The following ITGA9 variants were observed in gnomAD, a reference collection of about 807,000 sequenced individuals.
The protein encoded by ITGA9 is integrin alpha-9.
Under a neutral mutation model 127.8 loss-of-function variants are expected in ITGA9, and 56 were observed. The ratio of observed to expected loss-of-function variants is 0.44; its 90% CI spans 0.35 to 0.55. The LOEUF is 0.55. Ranked by LOEUF, ITGA9 falls within the 20% of genes least tolerant of loss-of-function variation. The pLI is 0.00. For missense variants in ITGA9, 1,196 were observed against 1,347.1 expected (o/e 0.89, Z 1.76); for synonymous variants, 508 against 514.5 (o/e 0.99, Z 0.17).
intron 18 of ITGA9, among the ~76,000 whole-genome samples, chr3:37,688,686 C>T (rs1700802740): frequency 6.6e-6 from 1 of 152,150 alleles, no homozygotes; most frequent in South Asian, 2.1e-4. Flanking sequence ...TGCCTTTACC[C>T]AGGAATCACC....
At chr3:37,513,924 G>A in intron 9 of ITGA9, 24 bp downstream of exon 9, 1 of 1,612,418 alleles carries the variant, frequency 6.2e-7, no homozygotes, top group Non-Finnish European at 8.5e-7. Context: ...TGGGCAATGT[G>A]CGGATGGGTG....
At chr3:37,621,484 T>G (rs1700128347) in intron 15 of ITGA9, among the ~76,000 whole-genome samples, 1 of 152,220 alleles carries the variant, frequency 6.6e-6, no homozygotes, top group South Asian at 2.1e-4. Context: ...GACAAGAGCA[T>G]GTTCAGTATT....
intron 15 of ITGA9, among the ~76,000 whole-genome samples, chr3:37,571,315 A>C (rs138530983): frequency 2.6e-5 from 4 of 151,046 alleles, no homozygotes; most frequent in Admixed American, 6.6e-5. Context: ...CATGCTGCCC[A>C]TGGTTTATGT....
At chr3:37,610,004 C>T (rs1333748580) in intron 15 of ITGA9, among the ~76,000 whole-genome samples, 1 of 152,156 alleles carries the variant, frequency 6.6e-6, no homozygotes, top group African/African-American at 2.4e-5. Flanking sequence ...GTGGCACCAA[C>T]ACTGATTATT....
intron 16 of ITGA9, among the ~76,000 whole-genome samples, chr3:37,643,151 G>A (rs1042297950): frequency 6.6e-6 from 1 of 152,164 alleles, no homozygotes; most frequent in Non-Finnish European, 1.5e-5. Context: ...CAGCAGTTTG[G>A]CTCAGCAGGA....
intron 1 of ITGA9, among the ~76,000 whole-genome samples, chr3:37,457,216 T>C (rs565501883): frequency 2.6e-5 from 4 of 152,316 alleles, no homozygotes; most frequent in African/African-American, 7.2e-5. Flanking sequence ...CAGGGCCTGA[T>C]CTATATTTAG....
chr3:37,689,560 TGGGAGCAGTGAGA>T (rs1700812012), intron 18 of ITGA9, among the ~76,000 whole-genome samples: 1 of 152,174 alleles, frequency 6.6e-6, no homozygotes, highest in Non-Finnish European at 1.5e-5. Flanking sequence ...GGGTGCCCTG[TGGGAGCAGTGAGA>T]GGGAGCTCCT....
At chr3:37,639,731 C>A (rs557380980) in intron 16 of ITGA9, among the ~76,000 whole-genome samples, 1 of 152,096 alleles carries the variant, frequency 6.6e-6, no homozygotes, top group Non-Finnish European at 1.5e-5. Flanking sequence ...GTTGCAGGGG[C>A]CTTTGCAGGT....
In ITGA9 at chr3:37,494,911, C is replaced by T. The variant is rs112694692; in HGVS notation, c.612+343C>T. On this transcript the variant is annotated intron_variant, in intron 5 of 27. Transcript: ENST00000264741. ...CAGTCAGGTTGTGCCCCATCATTGG[C>T]GGCTGTGCAGATACATGAAGCGTGT... Among the ~76,000 whole-genome samples, 7 of 152,296 alleles carry T rather than the reference C, an allele frequency of 4.6e-5. 1 individual carries two copies. Among genetic ancestry groups the T allele is most frequent in the African/African-American group, 7.2e-5 (3 of 41,554 alleles).
chr3:37,718,234 C>T (rs574089566), intron 18 of ITGA9, among the ~76,000 whole-genome samples: 1 of 152,328 alleles, frequency 6.6e-6, no homozygotes, highest in African/African-American at 2.4e-5. Flanking sequence ...TGTGTAGAAG[C>T]TGTTTCCCAT....
intron 4 of ITGA9, among the ~76,000 whole-genome samples, chr3:37,486,053 G>A (rs775144720): frequency 9.9e-5 from 15 of 152,194 alleles, no homozygotes; most frequent in Admixed American, 2.6e-4. Context: ...TTAGGACTCC[G>A]AAATGTTAAG....
rs1057363934 is a variant in ITGA9, at chr3:37,452,963, G to A, written c.185+404G>A. Among the ~76,000 whole-genome samples the A allele has an allele frequency of 6.6e-6, 1 of 152,246 alleles. No homozygotes were observed. The highest frequency in any genetic ancestry group is 6.5e-5 in the Admixed American group (1 of 15,292). On this transcript the variant is annotated intron_variant, in intron 1 of 27. Transcript: ENST00000264741. This position sits in a 1 kb window ranked among gnomAD's most constrained non-coding sequence, Gnocchi z 7.3. Reference sequence around the variant, plus strand: ...CCTCCTGAACCTCGCAGGGCCTGGAGGAGTCGGGGCACTGGAGCTGCACCC... The same window carrying A: ...CCTCCTGAACCTCGCAGGGCCTGGAAGAGTCGGGGCACTGGAGCTGCACCC...
intron 7 of ITGA9, 146 bp from the exon 8 acceptor site, chr3:37,508,413 A>G (rs1188499961): frequency 1.5e-6 from 1 of 674,050 alleles, no homozygotes; most frequent in Non-Finnish European, 2.5e-6. Flanking sequence ...ATGACAGCTG[A>G]CTTCTTCATG....
Position 37,710,769 on chromosome 3 carries a change from G to T in ITGA9, c.2068-21943G>T, listed in dbSNP as rs566512542. Among the ~76,000 whole-genome samples, 24 of 152,320 alleles carry T rather than the reference G, an allele frequency of 1.6e-4. No homozygotes were observed. The South Asian group carries it at 3.7e-3, about 24-fold the overall frequency. On this transcript the variant is annotated intron_variant, in intron 18 of 27. Transcript: ENST00000264741. ...CCCCACTTAATGGCCAAAATACAAG[G>T]AAGGCTTGGTGTCTCCGCAGCTTCC...
intron 15 of ITGA9, among the ~76,000 whole-genome samples, chr3:37,613,828 A>G (rs1441024624): frequency 2.0e-5 from 3 of 152,124 alleles, no homozygotes; most frequent in Admixed American, 1.3e-4. Context: ...TTCTTCTTGT[A>G]AATTTGTTTG....
At chr3:37,683,559 T>C (rs1014046853) in intron 17 of ITGA9, among the ~76,000 whole-genome samples, 6 of 152,224 alleles carry the variant, frequency 3.9e-5, no homozygotes, top group Non-Finnish European at 1.5e-5. Context: ...CATGAATTCA[T>C]GTACAAATGA....
intron 19 of ITGA9, 144 bp downstream of exon 19, chr3:37,732,942 T>C (rs1275242952): frequency 1.4e-6 from 1 of 702,730 alleles, no homozygotes; most frequent in Non-Finnish European, 2.6e-6. Context: ...AGCCCTGACA[T>C]GCTCCTGTCC....
intron 16 of ITGA9, among the ~76,000 whole-genome samples, chr3:37,639,869 C>T (rs12486075): frequency 0.25 from 38,426 of 151,934 alleles, 5,002 homozygotes; most frequent in East Asian, 0.34. Context: ...CTGGCTGGTC[C>T]GTGTGCTGGG....
intron 16 of ITGA9, among the ~76,000 whole-genome samples, chr3:37,644,311 A>G (rs905372090): frequency 2.0e-5 from 3 of 152,192 alleles, no homozygotes; most frequent in Admixed American, 1.3e-4. Flanking sequence ...ACTGGAGTCC[A>G]TTATCTTAAG....
Sources: allele counts gnomAD v4.1 joint callset (sites outside exome capture counted in the v4.1 genomes callset), GRCh38; gene constraint gnomAD v4.1.1; non-coding constraint Gnocchi (gnomAD v3.1); transcripts MANE v1.5; gene names NCBI Gene and HGNC (gene_info 2026-07-23, HGNC 2026-07-21).